OR52K1: variants seen among roughly 807,000 people sequenced by gnomAD.
OR52K1 encodes olfactory receptor family 52 subfamily K member 1, also known as olfactory receptor 52K1.
Under a neutral mutation model 8.7 loss-of-function variants are expected in OR52K1, and 10 were observed. The ratio of observed to expected loss-of-function variants is 1.15; its 90% CI spans 0.71 to 1.95. The LOEUF (loss-of-function observed/expected upper bound fraction) is 1.95. OR52K1 is among the 30% of genes most tolerant of loss of function. OR52K1 has a pLI of 0.00. For synonymous variants in OR52K1, 203 were observed against 148.5 expected, an observed-to-expected ratio of 1.37 and a Z score of -2.67; for missense variants, 431 against 397.2, an observed-to-expected ratio of 1.08 and a Z score of -0.72.
rs746192282 is a variant in OR52K1, at chr11:4,488,931, C to T, written c.31C>T (p.Pro11Ser). The change falls in exon 2 of 2, where the codon CCA (proline) becomes TCA (serine). Residue 11 changes from proline to serine, a missense_variant. Transcript: ENST00000641528. MLPSNITSTH[P>S]AVFLLVGIPG... ...TCCCTCTAATATCACCTCAACACAT[C>T]CAGCTGTCTTTTTGTTGGTAGGAAT... 1 of 1,613,922 alleles carries T rather than the reference C, an allele frequency of 6.2e-7. No individual in the cohort carries two copies. Among genetic ancestry groups the T allele is most frequent in the Non-Finnish European group, 8.5e-7 (1 of 1,179,888 alleles).
intron 1 of OR52K1, among the ~76,000 whole-genome samples, chr11:4,484,062 G>A (rs1240879072): frequency 6.6e-6 from 1 of 152,148 alleles, no homozygotes; most frequent in African/African-American, 2.4e-5. Context: ...ATCACATGAG[G>A]GGAGTAGTAT....
chr11:4,486,959 G>A (rs1461887080), intron 1 of OR52K1, among the ~76,000 whole-genome samples: 1 of 152,200 alleles, frequency 6.6e-6, no homozygotes, highest in African/African-American at 2.4e-5. Context: ...AGAAAAGTGA[G>A]TTTTAAGCAG....
intron 1 of OR52K1, among the ~76,000 whole-genome samples, chr11:4,488,245 G>A (rs964345053): frequency 2.0e-5 from 3 of 152,198 alleles, no homozygotes; most frequent in African/African-American, 7.2e-5. Flanking sequence ...AATATTCTTG[G>A]TAGTCACTAG....
intron 1 of OR52K1, among the ~76,000 whole-genome samples, chr11:4,484,433 AAG>A (rs1364718223): frequency 6.6e-6 from 1 of 152,134 alleles, no homozygotes; most frequent in African/African-American, 2.4e-5. Flanking sequence ...GCAGGAAGAA[AAG>A]AGAAGAATCC....
Position 4,484,270 on chromosome 11 carries a change from T to C in OR52K1, c.-329+1094T>C, listed in dbSNP as rs540112397. Among the ~76,000 whole-genome samples, 4 of 152,324 alleles carry C rather than the reference T, an allele frequency of 2.6e-5. No individual in the cohort carries two copies. The South Asian group carries it at 8.3e-4, about 32-fold the overall frequency. ...ACAAAGTGGAACTTTGTGTACTTGT[T>C]AGGATTCTTTTGTAGCAGTAGTTGC... is the stretch of plus-strand genomic sequence containing the variant. On this transcript the variant is annotated intron_variant, in intron 1 of 1. Transcript: ENST00000641528.
intron 1 of OR52K1, among the ~76,000 whole-genome samples, chr11:4,486,966 G>A (rs1270880540): frequency 6.6e-6 from 1 of 152,190 alleles, no homozygotes; most frequent in Non-Finnish European, 1.5e-5. Flanking sequence ...TGAGTTTTAA[G>A]CAGGAGAGTG....
Position 4,489,305 on chromosome 11 carries a change from G to A in OR52K1, c.405G>A (p.Thr135=), listed in dbSNP as rs767653676. ...CCATCTGCAAGCCATTGCACTACAC[G>A]ACGGTCCTGACTGGGTCCCTCATCA... is the stretch of plus-strand genomic sequence containing the variant. The part of the protein sequence containing the change: ...YVAICKPLHY[T]TVLTGSLITK... Residue 135 remains threonine, a synonymous_variant, in exon 2 of 2, where the codon ACG becomes ACA. Coordinates refer to ENST00000641528, the MANE Select transcript of OR52K1 (RefSeq NM_001005171.3). 4.3e-6 allele frequency: 7 copies of A among 1,614,142 alleles called. No individual in the cohort carries two copies. Among genetic ancestry groups the A allele is most frequent in the Non-Finnish European group, 4.2e-6 (5 of 1,180,020 alleles).
rs759386147 is a variant in OR52K1 at position 4,489,380 on chromosome 11, A to C, written c.480A>C (p.Pro160=). 9 of 1,613,420 alleles carry C rather than the reference A, an allele frequency of 5.6e-6. No homozygotes were observed. The highest frequency in any genetic ancestry group is 3.3e-4 in the Middle Eastern group (2 of 6,062). The change falls in exon 2 of 2, where the codon CCA becomes CCC. Residue 160 remains proline, a synonymous_variant. Coordinates refer to ENST00000641528, the MANE Select transcript of OR52K1 (RefSeq NM_001005171.3). ...AVARAVTLMT[P]LPFLLRRFHY... is the part of the protein sequence containing the mutation. ...CCCGGGCTGTGACACTAATGACTCC[A>C]CTCCCCTTCCTGCTCAGACGCTTCC...
intron 1 of OR52K1, among the ~76,000 whole-genome samples, chr11:4,483,415 C>A (rs913227682): frequency 3.3e-5 from 5 of 152,138 alleles, no homozygotes; most frequent in Non-Finnish European, 4.4e-5. Context: ...CATCTTAGTT[C>A]TGAAAACAAT....
intron 1 of OR52K1, among the ~76,000 whole-genome samples, chr11:4,487,353 C>T (rs559178761): frequency 2.0e-5 from 3 of 152,252 alleles, no homozygotes; most frequent in Middle Eastern, 3.4e-3. Context: ...ACTTAACCTC[C>T]CTATACCCCT....
intron 1 of OR52K1, among the ~76,000 whole-genome samples, chr11:4,488,029 AAAG>A (rs2133106536): frequency 6.6e-6 from 1 of 152,346 alleles, no homozygotes; most frequent in South Asian, 2.1e-4. Context: ...CCTGTGACAA[AAAG>A]AAGGAACTGG....
In OR52K1 at chr11:4,489,467, G is replaced by A. The variant is rs1846352358; in HGVS notation, c.567G>A (p.Leu189=). The A allele has an allele frequency of 6.2e-7, 1 of 1,614,210 alleles. No individual in the cohort carries two copies. The highest frequency in any genetic ancestry group is 1.1e-5 in the South Asian group (1 of 91,088). Residue 189 remains leucine (L), a synonymous_variant, in exon 2 of 2, where the codon CTG becomes CTA. Transcript: ENST00000641528. ...CYCEHMAVVR[L]ACGDTSFNNI... ...GTGAACACATGGCTGTGGTAAGGCTGGCGTGTGGGGACACTAGCTTCAACA... is the reference window on the plus strand; with the variant it reads ...GTGAACACATGGCTGTGGTAAGGCTAGCGTGTGGGGACACTAGCTTCAACA...
rs111929069 is a variant in OR52K1 at position 4,489,692 on chromosome 11, C to T, written c.792C>T (p.His264=). 6.2e-6 allele frequency: 10 copies of T among 1,614,102 alleles called. No homozygotes were observed. Among genetic ancestry groups the T allele is most frequent in the African/African-American group, 1.3e-5 (1 of 74,938 alleles). ...CAGTAGTCATCTCTTCAGTCATGCA[C>T]CGTGTAGCCCGCCATGCTGCCCCTC... ...YTPVVISSVM[H]RVARHAAPRV... The change falls in exon 2 of 2, where the codon CAC becomes CAT. Residue 264 remains histidine (H), a synonymous_variant. Transcript: ENST00000641528.
chr11:4,488,850 A>G lies in OR52K1; in HGVS notation c.-51A>G. On this transcript the variant is annotated 5_prime_UTR_variant, in exon 2 of 2. In the 5' UTR this introduces an upstream ATG that the reference lacks. Coordinates refer to ENST00000641528, the MANE Select transcript of OR52K1 (RefSeq NM_001005171.3). ...ATCATATATACTGTAGAAGGTATAT[A>G]TAGAAGGTGAAGAAGCCCTGTAAAA... The G allele has an allele frequency of 7.9e-7, 1 of 1,266,620 alleles. No homozygotes were observed. The highest frequency in any genetic ancestry group is 1.1e-6 in the Non-Finnish European group (1 of 878,966). 78.5% of individuals were successfully genotyped at this position (1,266,620 alleles called of 1,614,324 possible).
At chr11:4,484,825 AACACACAG>A (rs368089546) in intron 1 of OR52K1, among the ~76,000 whole-genome samples, 31,526 of 131,650 alleles carry the variant, frequency 0.24, 3,355 homozygotes, top group South Asian at 0.35. Context: ...TCTGTTCTAA[AACACACAG>A]ACACACACAC....
intron 1 of OR52K1, among the ~76,000 whole-genome samples, chr11:4,487,807 A>C (rs1016170974): frequency 4.1e-4 from 63 of 152,248 alleles, no homozygotes; most frequent in African/African-American, 1.5e-3. Context: ...CATTAAGTGG[A>C]TCCTATATTT....
At chr11:4,486,739 T>G (rs1846323920) in intron 1 of OR52K1, among the ~76,000 whole-genome samples, 1 of 152,208 alleles carries the variant, frequency 6.6e-6, no homozygotes. Context: ...GATCCATCTG[T>G]TTTGTTCATA....
rs530842593 is a variant in OR52K1 at position 4,483,032 on chromosome 11, G to A, written c.-473G>A. The A allele has an allele frequency of 4.8e-5, 19 of 397,376 alleles. No individual in the cohort carries two copies. Among genetic ancestry groups the A allele is most frequent in the Non-Finnish European group, 3.1e-5 (7 of 225,348 alleles). The allele number at this position is 397,376 out of a possible 1,614,324, so 24.6% of individuals were successfully genotyped here. On this transcript the variant is annotated 5_prime_UTR_variant, in exon 1 of 2. Coordinates refer to ENST00000641528, the MANE Select transcript of OR52K1 (RefSeq NM_001005171.3). Reference sequence around the variant, plus strand: ...GGGCCATCTCCAAGAAGTCTTAGTTGATTATTCCAGTTTGGATCTGTCACT... The same window carrying A: ...GGGCCATCTCCAAGAAGTCTTAGTTAATTATTCCAGTTTGGATCTGTCACT...
At chr11:4,487,289 T>G (rs1846328503) in intron 1 of OR52K1, among the ~76,000 whole-genome samples, 1 of 152,132 alleles carries the variant, frequency 6.6e-6, no homozygotes, top group South Asian at 2.1e-4. Context: ...GAAATATAAG[T>G]GACAAAGCTC....
Sources: allele counts gnomAD v4.1 joint callset (sites outside exome capture counted in the v4.1 genomes callset), GRCh38; gene constraint gnomAD v4.1.1; transcripts MANE v1.5; gene names NCBI Gene and HGNC (gene_info 2026-07-23, HGNC 2026-07-21).